Variants in SRGAP1 observed in about 807,000 individuals in gnomAD.
The protein encoded by SRGAP1 is SLIT-ROBO Rho GTPase activating protein 1.
Under a neutral mutation model 121.9 loss-of-function variants are expected in SRGAP1, and 43 were observed. The observed-to-expected ratio is 0.35, with a 90% confidence interval of 0.28 to 0.46. The LOEUF (loss-of-function observed/expected upper bound fraction) is 0.46. Ranked by LOEUF, SRGAP1 falls within the 20% of genes least tolerant of loss-of-function variation. The pLI, the probability that SRGAP1 is intolerant of heterozygous loss-of-function variation, is 1.00. For synonymous variants in SRGAP1, 447 were observed against 485.4 expected (o/e 0.92, Z 1.04); for missense variants, 1,102 against 1,350.9 (o/e 0.82, Z 2.89).
At chr12:63,910,734 A>G (rs999642054) in intron 1 of SRGAP1, among the ~76,000 whole-genome samples, 2 of 152,222 alleles carry the variant, frequency 1.3e-5, no homozygotes, top group Non-Finnish European at 2.9e-5. Context: ...GGTACACCAT[A>G]ATATTTTCTC....
At chr12:63,933,941 T>TA (rs1565956623) in intron 1 of SRGAP1, among the ~76,000 whole-genome samples, 1 of 152,164 alleles carries the variant, frequency 6.6e-6, no homozygotes, top group Non-Finnish European at 1.5e-5. Context: ...ACAAGCCACT[T>TA]ACTATAAATA....
rs1339844627 is a variant in SRGAP1 at position 64,147,398 on chromosome 12, T to A, written c.*4726T>A. Reference sequence around the variant, plus strand: ...TCCCAATTCCTGCTGCCCACTCGAGTGTTTCGAAGCTTCCTCCCTGTCCCC... The same window carrying A: ...TCCCAATTCCTGCTGCCCACTCGAGAGTTTCGAAGCTTCCTCCCTGTCCCC... On this transcript the variant is annotated 3_prime_UTR_variant, in exon 22 of 22. Coordinates refer to ENST00000355086, the MANE Select transcript of SRGAP1 (RefSeq NM_020762.4). The A allele has an allele frequency of 4.2e-5, 5 of 119,258 alleles. No homozygotes were observed. Among genetic ancestry groups the A allele is most frequent in the Non-Finnish European group, 8.3e-5 (5 of 60,486 alleles). 7.4% of individuals were successfully genotyped at this position (119,258 alleles called of 1,614,324 possible).
rs1427378417 is a variant in SRGAP1, at chr12:64,113,633, CTATTATA to C, written c.2144+1651_2144+1657del. On this transcript the variant is annotated intron_variant, in intron 17 of 21. Transcript: ENST00000355086. ...ACATGTACCCCTAAAATATGTACAA[CTATTATA>C]TATCAATTAAAAAATAGCAAAGAAA... 3.9e-5 allele frequency among the ~76,000 whole-genome samples: 6 copies of C among 152,060 alleles called. 1 individual carries two copies. The highest frequency in any genetic ancestry group is 1.4e-4 in the African/African-American group (6 of 41,392).
At chr12:63,867,796 A>G (rs1010215497) in intron 1 of SRGAP1, among the ~76,000 whole-genome samples, 1 of 151,860 alleles carries the variant, frequency 6.6e-6, no homozygotes, top group Non-Finnish European at 1.5e-5. Context: ...CTCATTTCCA[A>G]ATAAGTTGAA....
intron 1 of SRGAP1, among the ~76,000 whole-genome samples, chr12:63,968,853 C>T (rs183103143): frequency 2.8e-4 from 43 of 152,328 alleles, no homozygotes; most frequent in African/African-American, 8.9e-4. Context: ...TGCCTCTGCT[C>T]ATGGTTACTT....
rs535100906 is a variant in SRGAP1, at chr12:64,144,245, G to A, written c.*1573G>A. 6.6e-6 allele frequency: 1 copy of A among 152,154 alleles called. No homozygotes were observed. The highest frequency in any genetic ancestry group is 2.1e-4 in the South Asian group (1 of 4,804). 9.4% of individuals were successfully genotyped at this position (152,154 alleles called of 1,614,324 possible). A position where few individuals can be genotyped will look rare whatever the true frequency, so the allele number is the denominator to read the frequency against. On this transcript the variant is annotated 3_prime_UTR_variant, in exon 22 of 22. Transcript: ENST00000355086. ...ACTGATAAAGATTTTTGTTGTTGTT[G>A]TTGTTGTTGGGAGAAATGGATTTCC...
chr12:64,043,138 C>T (rs2035057711), intron 5 of SRGAP1, among the ~76,000 whole-genome samples, 166 bp downstream of exon 5: 1 of 152,198 alleles, frequency 6.6e-6, no homozygotes, highest in South Asian at 2.1e-4. Context: ...CATGTAATAA[C>T]AGCTGGACAT....
chr12:64,041,042 A>G (rs570292274), intron 4 of SRGAP1, among the ~76,000 whole-genome samples: 68 of 152,256 alleles, frequency 4.5e-4, no homozygotes, highest in African/African-American at 1.5e-3. Flanking sequence ...TATGTTCTAT[A>G]TATTCCTAAA....
At chr12:64,006,536 A>G (rs915863242) in intron 3 of SRGAP1, among the ~76,000 whole-genome samples, 2 of 152,208 alleles carry the variant, frequency 1.3e-5, no homozygotes, top group African/African-American at 2.4e-5. Context: ...TAAGCAATTA[A>G]GGATGCTAAG....
chr12:63,995,980 G>T (rs1322062779), intron 3 of SRGAP1, among the ~76,000 whole-genome samples: 6 of 146,918 alleles, frequency 4.1e-5, no homozygotes, highest in Admixed American at 2.7e-4. Flanking sequence ...GTTAATAAAA[G>T]ATACCACTTG....
At chr12:64,135,540 A>G (rs2036844540) in intron 21 of SRGAP1, among the ~76,000 whole-genome samples, 1 of 152,114 alleles carries the variant, frequency 6.6e-6, no homozygotes. Flanking sequence ...ATAATACTCC[A>G]TACAAATGTA....
At chr12:64,030,100 G>A (rs2034741830) in intron 4 of SRGAP1, among the ~76,000 whole-genome samples, 1 of 152,102 alleles carries the variant, frequency 6.6e-6, no homozygotes. Flanking sequence ...TAATTGTGAA[G>A]TGGGCAGATA....
chr12:63,886,714 C>T (rs528308512), intron 1 of SRGAP1, among the ~76,000 whole-genome samples: 1 of 152,124 alleles, frequency 6.6e-6, no homozygotes, highest in Non-Finnish European at 1.5e-5. Flanking sequence ...TCAAGCCATC[C>T]TTCGCCTTGG....
rs1354859899 is a variant in SRGAP1, at chr12:64,147,696, ATGTTT to A, written c.*5029_*5033del. 4 of 398,494 alleles carry A rather than the reference ATGTTT, an allele frequency of 1.0e-5. No homozygotes were observed. The highest frequency in any genetic ancestry group is 3.6e-5 in the East Asian group (1 of 28,082). 24.7% of individuals were successfully genotyped at this position (398,494 alleles called of 1,614,324 possible). On this transcript the variant is annotated 3_prime_UTR_variant, in exon 22 of 22. Coordinates refer to ENST00000355086, the MANE Select transcript of SRGAP1 (RefSeq NM_020762.4). ...CTTTTACAGTCTGGAAAGAAAAAAA[ATGTTT>A]TGTTAATCTGTTGTGACAATGCACT...
intron 1 of SRGAP1, chr12:63,888,529 C>G (rs1376293524): frequency 1.3e-5 from 2 of 152,098 alleles, no homozygotes; most frequent in Non-Finnish European, 2.9e-5. Flanking sequence ...ACATTCTAGG[C>G]TTGTATCTTC....
intron 21 of SRGAP1, among the ~76,000 whole-genome samples, chr12:64,136,067 T>C (rs1444790294): frequency 1.3e-5 from 2 of 152,234 alleles, no homozygotes; most frequent in Non-Finnish European, 2.9e-5. Flanking sequence ...CGCTGGCATC[T>C]GATTAGATGG....
rs1266053838 is a variant in SRGAP1 at position 64,154,384 on chromosome 12, TGAGAGACCACAATTAAG to T, written c.*11716_*11732del. 1.3e-5 allele frequency: 2 copies of T among 151,688 alleles called. No homozygotes were observed. Among genetic ancestry groups the T allele is most frequent in the Admixed American group, 1.3e-4 (2 of 15,194 alleles). The allele number at this position is 151,688 out of a possible 1,614,324, so 9.4% of individuals were successfully genotyped here. A position where few individuals can be genotyped will look rare whatever the true frequency, so the allele number is the denominator to read the frequency against. On this transcript the variant is annotated 3_prime_UTR_variant, in exon 22 of 22. Coordinates refer to ENST00000355086, the MANE Select transcript of SRGAP1 (RefSeq NM_020762.4). ...TTGGGAAGGAATGGCATGAGGGAAG[TGAGAGACCACAATTAAG>T]GAGCAACACAGGAGATGAGGGTGGC...
chr12:64,111,847 A>G lies in SRGAP1; in HGVS notation c.2005A>G (p.Ile669Val). Residue 669 changes from isoleucine (I) to valine (V), a missense_variant, in exon 17 of 22, where the codon ATA (isoleucine) becomes GTA (valine). Coordinates refer to ENST00000355086, the MANE Select transcript of SRGAP1 (RefSeq NM_020762.4). ...CCCAACATTGATGCCTGTCCCAGAA[A>G]TACAGGATCAAGTGTCTTGCCAGGC... ...FGPTLMPVPE[I>V]QDQVSCQAHV... is the part of the protein sequence containing the mutation. 2 of 1,614,062 alleles carry G rather than the reference A, an allele frequency of 1.2e-6. No individual in the cohort carries two copies. Among genetic ancestry groups the G allele is most frequent in the East Asian group, 2.2e-5 (1 of 44,864 alleles).
intron 21 of SRGAP1, among the ~76,000 whole-genome samples, chr12:64,132,726 A>G (rs1193621650): frequency 6.6e-6 from 1 of 152,256 alleles, no homozygotes; most frequent in Admixed American, 6.5e-5. Context: ...CACTGGATCC[A>G]GTCAGCATAA....
Sources: gnomAD v4.1 joint callset for allele counts (sites outside exome capture counted in the v4.1 genomes callset) on GRCh38, gnomAD v4.1.1 for gene constraint, MANE v1.5 for transcripts, NCBI Gene and HGNC (gene_info 2026-07-23, HGNC 2026-07-21) for gene names.